COPS4: variants seen among roughly 807,000 people sequenced by gnomAD.
The protein encoded by COPS4 is COP9 signalosome complex subunit 4.
In COPS4, 8 loss-of-function variants were observed where a neutral mutation model predicts 55.1. The ratio of observed to expected loss-of-function variants is 0.15; its 90% CI spans 0.09 to 0.26. The LOEUF (loss-of-function observed/expected upper bound fraction) is 0.26, where lower values mean the gene tolerates loss of function less well. Ranked by LOEUF, COPS4 falls within the 10% of genes least tolerant of loss-of-function variation. The pLI is 1.00. For missense variants in COPS4, 248 were observed against 484.0 expected, an observed-to-expected ratio of 0.51 and a Z score of 4.58; for synonymous variants, 185 against 165.7, an observed-to-expected ratio of 1.12 and a Z score of -0.90.
intron 4 of COPS4, among the ~76,000 whole-genome samples, chr4:83,050,200 T>C (rs1730855108): frequency 6.6e-6 from 1 of 152,040 alleles, no homozygotes; most frequent in Non-Finnish European, 1.5e-5. Flanking sequence ...GGTAGTAGGG[T>C]GGCCCTGATG....
At chr4:83,070,368 A>T (rs1242940076) in intron 9 of COPS4, among the ~76,000 whole-genome samples, 2 of 152,130 alleles carry the variant, frequency 1.3e-5, no homozygotes, top group East Asian at 3.8e-4. Context: ...CCATGGTTCT[A>T]GTTTACTACT....
intron 9 of COPS4, among the ~76,000 whole-genome samples, chr4:83,070,749 G>T (rs747159308): frequency 6.6e-6 from 1 of 152,026 alleles, no homozygotes; most frequent in Non-Finnish European, 1.5e-5. Context: ...AGTACAGCTG[G>T]AGTGATTATT....
chr4:83,056,161 A>G (rs1295945634), intron 4 of COPS4, among the ~76,000 whole-genome samples: 1 of 151,766 alleles, frequency 6.6e-6, no homozygotes, highest in East Asian at 1.9e-4. Flanking sequence ...TGAACTCCTG[A>G]CCTCAGGTGA....
In COPS4 at chr4:83,051,116, A is replaced by AT. The variant is rs59836741; in HGVS notation, c.410+1133dup. ...TCTCCACCAAAAAAAAAAAAAAAAA[A>AT]TGCTGGGCATGATGGCACATGCCTG... On this transcript the variant is annotated intron_variant, in intron 4 of 9. Coordinates refer to ENST00000264389, the MANE Select transcript of COPS4 (RefSeq NM_016129.3). Among the ~76,000 whole-genome samples, 9 of 150,840 alleles carry AT rather than the reference A, an allele frequency of 6.0e-5. 1 individual carries two copies. Among genetic ancestry groups the AT allele is most frequent in the African/African-American group, 2.2e-4 (9 of 41,016 alleles).
chr4:83,035,454 G>A, intron 1 of COPS4, 156 bp downstream of exon 1: 2 of 490,316 alleles, frequency 4.1e-6, no homozygotes, highest in Non-Finnish European at 7.5e-6. Flanking sequence ...GCAAATGTTG[G>A]GAGAAGCAGA....
At chr4:83,042,247 C>T (rs1313875825) in intron 1 of COPS4, among the ~76,000 whole-genome samples, 1 of 152,154 alleles carries the variant, frequency 6.6e-6, no homozygotes, top group South Asian at 2.1e-4. Flanking sequence ...TCTTCAAATA[C>T]AAAGGTCATT....
intron 1 of COPS4, among the ~76,000 whole-genome samples, chr4:83,040,913 C>T (rs1160607488): frequency 6.6e-6 from 1 of 151,856 alleles, no homozygotes; most frequent in Non-Finnish European, 1.5e-5. Flanking sequence ...CTCCAGATTC[C>T]TTTCAAGTGC....
chr4:83,075,261 A>T, intron 9 of COPS4, 36 bp from the exon 10 acceptor site: 1 of 1,606,488 alleles, frequency 6.2e-7, no homozygotes, highest in Non-Finnish European at 8.5e-7. Flanking sequence ...AATACAAAGG[A>T]ATAATTTTAA....
chr4:83,073,293 G>A, intron 9 of COPS4: 3 of 699,398 alleles, frequency 4.3e-6, no homozygotes, highest in South Asian at 1.5e-5. Flanking sequence ...TATGTGACAT[G>A]TGACCTTTTG....
intron 1 of COPS4, among the ~76,000 whole-genome samples, chr4:83,038,336 A>G (rs923061481): frequency 1.9e-4 from 29 of 152,248 alleles, no homozygotes; most frequent in Non-Finnish European, 4.0e-4. Context: ...ATAATAAGAG[A>G]AAACCAAAGT....
At position 83,066,474 on chromosome 4, in the gene COPS4, A is replaced by G; in HGVS notation, c.923A>G (p.Asn308Ser). ...TTGGACAGAGCTGTTATTGAACACA[A>G]TTTGTTGTCTGCAAGCAAATTATAT... ...SILDRAVIEH[N>S]LLSASKLYNN... The change falls in exon 8 of 10, where the codon AAT becomes AGT. Residue 308 changes from asparagine (N) to serine (S), a missense_variant. Around this residue, in one of 4 missense-constraint regions of COPS4, gnomAD observed 155 missense variants for 326.6 expected, o/e 0.47. Coordinates refer to ENST00000264389, the MANE Select transcript of COPS4 (RefSeq NM_016129.3). The G allele has an allele frequency of 6.3e-7, 1 of 1,599,496 alleles. No individual in the cohort carries two copies. The highest frequency in any genetic ancestry group is 8.5e-7 in the Non-Finnish European group (1 of 1,173,272).
intron 6 of COPS4, 65 bp from the exon 7 acceptor site, chr4:83,063,011 T>C: frequency 1.4e-6 from 2 of 1,397,148 alleles, no homozygotes; most frequent in African/African-American, 1.5e-5. Context: ...AGATAGGTTT[T>C]TTTTTCCTGA....
At chr4:83,045,747 GC>G (rs766776967) in intron 2 of COPS4, 42 bp downstream of exon 2, 11 of 1,366,168 alleles carry the variant, frequency 8.1e-6, no homozygotes, top group Non-Finnish European at 8.3e-6. Context: ...GTATTACTGA[GC>G]TAGGACTTTA....
chr4:83,039,388 A>G (rs549925793), intron 1 of COPS4, among the ~76,000 whole-genome samples: 1 of 152,352 alleles, frequency 6.6e-6, no homozygotes, highest in Admixed American at 6.5e-5. Context: ...GCTCAGAACT[A>G]GCACTTCATT....
chr4:83,038,146 C>G (rs1730473217), intron 1 of COPS4, among the ~76,000 whole-genome samples: 1 of 152,222 alleles, frequency 6.6e-6, no homozygotes, highest in Non-Finnish European at 1.5e-5. Flanking sequence ...CCTCAAAGGC[C>G]CCTTCTAACT....
intron 6 of COPS4, among the ~76,000 whole-genome samples, chr4:83,062,343 A>G (rs1197401044): frequency 6.6e-6 from 1 of 152,200 alleles, no homozygotes; most frequent in Non-Finnish European, 1.5e-5. Context: ...GTATGACTGT[A>G]TGGTTGCTCT....
chr4:83,064,905 T>C lies in COPS4; in HGVS notation c.887-1533T>C, dbSNP rs1223428810. 2.7e-5 allele frequency among the ~76,000 whole-genome samples: 4 copies of C among 145,608 alleles called. No individual in the cohort carries two copies. In the East Asian group the frequency reaches 8.1e-4, roughly 30 times the overall value. ...TTTTTTTTTTTTTTTTTTTTTACTT[T>C]TTGAGACAAGGTCTCACTCTTTTGC... On this transcript the variant is annotated intron_variant, in intron 7 of 9. Transcript: ENST00000264389.
intron 4 of COPS4, among the ~76,000 whole-genome samples, chr4:83,052,446 T>A (rs1280638578): frequency 6.6e-6 from 1 of 152,178 alleles, no homozygotes. Context: ...GGGGCTGTCC[T>A]GTGTATTGCA....
intron 1 of COPS4, among the ~76,000 whole-genome samples, chr4:83,037,926 G>A (rs182212366): frequency 1.3e-5 from 2 of 152,228 alleles, no homozygotes; most frequent in East Asian, 1.9e-4. Flanking sequence ...GACTATGCTC[G>A]TTTTCTTGTT....
Sources: gnomAD v4.1 joint callset for allele counts (sites outside exome capture counted in the v4.1 genomes callset) on GRCh38, gnomAD v4.1.1 for gene constraint, gnomAD v4.1.1 regional missense constraint, MANE v1.5 for transcripts, NCBI Gene and HGNC (gene_info 2026-07-23, HGNC 2026-07-21) for gene names.